Variants in FARP1 observed in about 807,000 individuals in gnomAD.
FARP1 encodes FERM, ARH/RhoGEF and pleckstrin domain protein 1.
FARP1 carries 52 observed loss-of-function variants against 128.8 expected under a neutral mutation model. The ratio of observed to expected loss-of-function variants is 0.40; its 90% CI spans 0.32 to 0.51. FARP1 has a LOEUF of 0.51. Ranked by LOEUF, FARP1 falls within the 20% of genes least tolerant of loss-of-function variation. FARP1 has a pLI of 0.45. For missense variants in FARP1, 1,333 were observed against 1,367.9 expected (o/e 0.97, Z 0.40); for synonymous variants, 580 against 551.8 (o/e 1.05, Z -0.72).
At chr13:98,423,217 GCTAATCTCTT>G (rs1467306414) in intron 16 of FARP1, among the ~76,000 whole-genome samples, 1 of 152,154 alleles carries the variant, frequency 6.6e-6, no homozygotes, top group Admixed American at 6.5e-5. Context: ...TGACTCAAAT[GCTAATCTCTT>G]TTGGCAACAC....
chr13:98,271,212 C>G (rs554925156), intron 2 of FARP1, among the ~76,000 whole-genome samples: 1 of 152,246 alleles, frequency 6.6e-6, no homozygotes, highest in African/African-American at 2.4e-5. Context: ...AACAACTCAA[C>G]AAATTAGGCC....
rs1423351375 is a variant in FARP1, at chr13:98,452,292, T to C, written c.*3975T>C. The C allele has an allele frequency of 6.6e-6, 1 of 152,388 alleles. No homozygotes were observed. Among genetic ancestry groups the C allele is most frequent in the African/African-American group, 2.4e-5 (1 of 41,438 alleles). The allele number at this position is 152,388 out of a possible 1,614,324, so 9.4% of individuals were successfully genotyped here. ...CGGTACATCTGGCGCAGACCAGCAGTGGCACGATTCCAAACAAATGTCAGA... is the reference window on the plus strand; with the variant it reads ...CGGTACATCTGGCGCAGACCAGCAGCGGCACGATTCCAAACAAATGTCAGA... On this transcript the variant is annotated 3_prime_UTR_variant, in exon 27 of 27. Coordinates refer to ENST00000319562, the MANE Select transcript of FARP1 (RefSeq NM_005766.4).
chr13:98,436,939 ACTGCAATGGAAAGAAC>A (rs1455405581), intron 19 of FARP1, among the ~76,000 whole-genome samples: 1 of 152,210 alleles, frequency 6.6e-6, no homozygotes, highest in Non-Finnish European at 1.5e-5. Flanking sequence ...AATGTTTTCC[ACTGCAATGGAAAGAAC>A]CTTGGATTGG....
At chr13:98,332,228 C>T (rs1168641668) in intron 2 of FARP1, 1 of 152,114 alleles carries the variant, frequency 6.6e-6, no homozygotes, top group Non-Finnish European at 1.5e-5. Context: ...ACTAACTCCC[C>T]ACTCCCCTCT....
Position 98,453,215 on chromosome 13 carries a change from GA to G in FARP1, c.*4903del. 1.2e-6 allele frequency: 2 copies of G among 1,612,264 alleles called. No homozygotes were observed. Among genetic ancestry groups the G allele is most frequent in the Non-Finnish European group, 8.5e-7 (1 of 1,179,288 alleles). On this transcript the variant is annotated 3_prime_UTR_variant, in exon 27 of 27. Coordinates refer to ENST00000319562, the MANE Select transcript of FARP1 (RefSeq NM_005766.4). ...CTCCACCACTTAGAGAGTATCTAGGGAAAAAGAGAGAGAGAGAAGTCAACAC... is the reference window on the plus strand; with the variant it reads ...CTCCACCACTTAGAGAGTATCTAGGGAAAAGAGAGAGAGAGAAGTCAACAC...
At chr13:98,272,110 A>G (rs1260565629) in intron 2 of FARP1, among the ~76,000 whole-genome samples, 13 of 151,956 alleles carry the variant, frequency 8.6e-5, no homozygotes, top group African/African-American at 3.1e-4. Flanking sequence ...GCTCACTGCA[A>G]CCTGTACCTC....
intron 6 of FARP1, among the ~76,000 whole-genome samples, chr13:98,380,325 C>A (rs1331368947): frequency 6.6e-6 from 1 of 151,216 alleles, no homozygotes; most frequent in African/African-American, 2.4e-5. Context: ...CGGTGGGCGC[C>A]TGTAGTCCCA....
Position 98,410,793 on chromosome 13 carries a change from A to G in FARP1, c.1662A>G (p.Thr554=). The G allele has an allele frequency of 1.2e-6, 2 of 1,601,378 alleles. No individual in the cohort carries two copies. The highest frequency in any genetic ancestry group is 1.1e-5 in the South Asian group (1 of 89,888). Residue 554 remains threonine, a synonymous_variant, in exon 15 of 27, where the codon ACA becomes ACG. Transcript: ENST00000319562. ...AGGAAGTGTCTACCACCGAGCGAAC[A>G]TATCTGAAGGATCTCGAAGTTATCA... ...IAKEVSTTER[T]YLKDLEVITS... is the part of the protein sequence containing the mutation.
intron 2 of FARP1, among the ~76,000 whole-genome samples, chr13:98,302,409 A>T (rs1274619020): frequency 6.6e-6 from 1 of 152,090 alleles, no homozygotes; most frequent in Non-Finnish European, 1.5e-5. Context: ...CCCTGCCCAC[A>T]CCAGTGGCCA....
chr13:98,276,187 A>G (rs188561763), intron 2 of FARP1, among the ~76,000 whole-genome samples: 3 of 152,278 alleles, frequency 2.0e-5, no homozygotes, highest in East Asian at 3.9e-4. Context: ...CCTTCCCTCT[A>G]TTGATGTAAT....
Position 98,448,316 on chromosome 13 carries a change from G to A in FARP1, c.3137G>A (p.Ter1046=). 6.2e-7 allele frequency: 1 copy of A among 1,611,554 alleles called. No individual in the cohort carries two copies. Among genetic ancestry groups the A allele is most frequent in the Non-Finnish European group, 8.5e-7 (1 of 1,177,616 alleles). The change falls in exon 27 of 27, where the codon TGA becomes TAA. Residue 1046 remains the stop codon, a stop_retained_variant. Coordinates refer to ENST00000319562, the MANE Select transcript of FARP1 (RefSeq NM_005766.4). ...AGTCACAAAGAGTCTCTTGTGTATT[G>A]ATGGCCGGACACACTCGTTTCCGCA... is the stretch of plus-strand genomic sequence containing the variant. ...VLSHKESLVY[*] is the part of the protein sequence containing the mutation.
Position 98,446,063 on chromosome 13 carries a change from C to G in FARP1, c.2797-35C>G, listed in dbSNP as rs746853079. The G allele has an allele frequency of 8.3e-6, 12 of 1,446,028 alleles. No individual in the cohort carries two copies. In the African/African-American group the frequency reaches 1.5e-4, roughly 18 times the overall value. 89.6% of individuals were successfully genotyped at this position (1,446,028 alleles called of 1,614,324 possible). Reference sequence around the variant, plus strand: ...CTCTGTGCCCTCCTGGGGCAGGTGCCCGCTGTGCTTCTCACAGGCCTCCTT... The same window carrying G: ...CTCTGTGCCCTCCTGGGGCAGGTGCGCGCTGTGCTTCTCACAGGCCTCCTT... On this transcript the variant is annotated intron_variant, in intron 24 of 26. Coordinates refer to ENST00000319562, the MANE Select transcript of FARP1 (RefSeq NM_005766.4).
At chr13:98,426,899 C>T (rs768003780) in intron 17 of FARP1, among the ~76,000 whole-genome samples, 7 of 152,160 alleles carry the variant, frequency 4.6e-5, no homozygotes, top group Non-Finnish European at 1.0e-4. Context: ...CGTATTTTAT[C>T]TTTCAAAGCA....
In FARP1 at chr13:98,230,117, A is replaced by G. The variant is rs139868648; in HGVS notation, c.171+16704A>G. 3.7e-3 allele frequency among the ~76,000 whole-genome samples: 568 copies of G among 152,220 alleles called. 1 individual carries two copies. Among genetic ancestry groups the G allele is most frequent in the African/African-American group, 0.012 (514 of 41,538 alleles). On this transcript the variant is annotated intron_variant, in intron 2 of 26. Coordinates refer to ENST00000319562, the MANE Select transcript of FARP1 (RefSeq NM_005766.4). ...GAGAAGTGGGCACTCCCCTCCCCTC[A>G]CCCAAGAGAGACTTATTTGGGCATT... is the stretch of plus-strand genomic sequence containing the variant.
chr13:98,401,991 T>A (rs1890791537), intron 13 of FARP1: 1 of 152,180 alleles, frequency 6.6e-6, no homozygotes, highest in Non-Finnish European at 1.5e-5. Context: ...CTTCATGTAG[T>A]CTCCAGATCA....
At chr13:98,205,403 G>GT (rs1010268001) in intron 1 of FARP1, among the ~76,000 whole-genome samples, 19 of 151,522 alleles carry the variant, frequency 1.3e-4, no homozygotes, top group Middle Eastern at 3.4e-3. Flanking sequence ...AGTTCTCTGT[G>GT]TTTTTTTTAG....
intron 2 of FARP1, among the ~76,000 whole-genome samples, chr13:98,293,650 A>G (rs549275680): frequency 4.8e-4 from 73 of 152,322 alleles, no homozygotes; most frequent in African/African-American, 1.8e-3. Context: ...CCATGATCAC[A>G]ACTTATCCTG....
chr13:98,294,013 G>A (rs1885556684), intron 2 of FARP1, among the ~76,000 whole-genome samples: 2 of 152,204 alleles, frequency 1.3e-5, no homozygotes, highest in South Asian at 2.1e-4. Flanking sequence ...GTATATTTAT[G>A]TGTGTCGAAG....
chr13:98,244,655 T>G lies in FARP1; in HGVS notation c.171+31242T>G, dbSNP rs1465992888. 4 of 1,614,260 alleles carry G rather than the reference T, an allele frequency of 2.5e-6. No individual in the cohort carries two copies. The East Asian group carries it at 6.7e-5, about 27-fold the overall frequency. ...GCTCTATTTCTTACACAAACTGGGC[T>G]GGAAGTAGAAGCTTAGCGGTCACAG... On this transcript the variant is annotated intron_variant, in intron 2 of 26. Transcript: ENST00000319562.
Sources: allele counts gnomAD v4.1 joint callset (sites outside exome capture counted in the v4.1 genomes callset), GRCh38; gene constraint gnomAD v4.1.1; transcripts MANE v1.5; gene names NCBI Gene and HGNC (gene_info 2026-07-23, HGNC 2026-07-21).